PCDHGA9: variants seen among roughly 807,000 people sequenced by gnomAD.
The protein encoded by PCDHGA9 is protocadherin gamma-A9.
PCDHGA9 carries 37 observed loss-of-function variants against 62.5 expected under a neutral mutation model. The ratio of observed to expected loss-of-function variants is 0.59; its 90% CI spans 0.46 to 0.78. The LOEUF (loss-of-function observed/expected upper bound fraction) is 0.78. PCDHGA9 is among the 30% of genes least tolerant of loss of function. PCDHGA9 has a pLI of 0.00. For missense variants in PCDHGA9, 1,138 were observed against 1,166.2 expected, an observed-to-expected ratio of 0.98 and a Z score of 0.35; for synonymous variants, 459 against 484.6, an observed-to-expected ratio of 0.95 and a Z score of 0.69.
intron 1 of PCDHGA9, among the ~76,000 whole-genome samples, chr5:141,455,286 T>G (rs889792228): frequency 6.6e-6 from 1 of 152,176 alleles, no homozygotes; most frequent in African/African-American, 2.4e-5. Flanking sequence ...AACATCACTT[T>G]ACATAGTTTC....
At position 141,489,436 on chromosome 5, in the gene PCDHGA9, T is replaced by C. The variant is rs1002519; in HGVS notation, c.2425-5371T>C. 0.23 allele frequency: 369,130 copies of C among 1,613,832 alleles called. 44,340 individuals are homozygous for C. The highest frequency in any genetic ancestry group is 0.38 in the Admixed American group (23,024 of 60,000). On this transcript the variant is annotated intron_variant, in intron 1 of 3. Transcript: ENST00000573521. The surrounding 1 kb of genome is among the most constrained non-coding windows in gnomAD (Gnocchi z 4.5). ...AGATCTGTTGAGCCGGCGGCTGCAATTGGGCTCTGAGGAGAATGGGCGCTA... is the reference window on the plus strand; with the variant it reads ...AGATCTGTTGAGCCGGCGGCTGCAACTGGGCTCTGAGGAGAATGGGCGCTA...
Position 141,403,246 on chromosome 5 carries a change from G to C in PCDHGA9, c.294G>C (p.Gln98His). 6.2e-7 allele frequency: 1 copy of C among 1,613,930 alleles called. No individual in the cohort carries two copies. The highest frequency in any genetic ancestry group is 1.1e-5 in the South Asian group (1 of 91,092). Residue 98 changes from glutamine to histidine, a missense_variant, in exon 1 of 4, where the codon CAG (glutamine) becomes CAC (histidine). Gln to His is a conservative substitution (Grantham distance 24). Coordinates refer to ENST00000573521, the MANE Select transcript of PCDHGA9 (RefSeq NM_018921.3). ...TAGACCGGGAGGAGCTCTGTGCTCA[G>C]AGCCCGCGGTGTCTGGTGAACTTTA... ...GRIDREELCA[Q>H]SPRCLVNFKV...
chr5:141,497,502 T>C (rs1216218103), intron 2 of PCDHGA9, among the ~76,000 whole-genome samples: 1 of 151,628 alleles, frequency 6.6e-6, no homozygotes, highest in East Asian at 1.9e-4. Flanking sequence ...CTCTCCTCTC[T>C]CTGCTTCCTT....
At position 141,490,807 on chromosome 5, in the gene PCDHGA9, G is replaced by T. The variant is rs1315856354; in HGVS notation, c.2425-4000G>T. Reference sequence around the variant, plus strand: ...ACGGATCTTTGCCCAGCGTACCTTTGACTATGAATTGCTGCAGATGCTGCA... The same window carrying T: ...ACGGATCTTTGCCCAGCGTACCTTTTACTATGAATTGCTGCAGATGCTGCA... On this transcript the variant is annotated intron_variant, in intron 1 of 3. Transcript: ENST00000573521. This position sits in a 1 kb window ranked among gnomAD's most constrained non-coding sequence, Gnocchi z 5.4. 6.2e-7 allele frequency: 1 copy of T among 1,613,924 alleles called. No individual in the cohort carries two copies. The highest frequency in any genetic ancestry group is 8.5e-7 in the Non-Finnish European group (1 of 1,179,870).
chr5:141,435,290 A>G (rs2097756551), intron 1 of PCDHGA9, among the ~76,000 whole-genome samples: 1 of 152,158 alleles, frequency 6.6e-6, no homozygotes, highest in African/African-American at 2.4e-5. Context: ...ATCCCAAGTC[A>G]TTTCATGGTT....
In PCDHGA9 at chr5:141,486,667, G is replaced by A; in HGVS notation, c.2425-8140G>A. On this transcript the variant is annotated intron_variant, in intron 1 of 3. Coordinates refer to ENST00000573521, the MANE Select transcript of PCDHGA9 (RefSeq NM_018921.3). The surrounding 1 kb of genome is among the most constrained non-coding windows in gnomAD (Gnocchi z 5.0). ...TCTCCTACTCACTCCTGGAGCCCAG[G>A]AATCGAGATGTATCAGCTTCCTCTT... 4 of 1,613,948 alleles carry A rather than the reference G, an allele frequency of 2.5e-6. No individual in the cohort carries two copies. Among genetic ancestry groups the A allele is most frequent in the Non-Finnish European group, 3.4e-6 (4 of 1,180,014 alleles).
At chr5:141,412,935 G>T in intron 1 of PCDHGA9, 1 of 453,864 alleles carries the variant, frequency 2.2e-6, no homozygotes, top group East Asian at 3.4e-5. Flanking sequence ...AACTTCTTAG[G>T]ACTCTGAGCG....
intron 1 of PCDHGA9, among the ~76,000 whole-genome samples, chr5:141,469,061 G>C (rs960166489): frequency 1.3e-5 from 2 of 152,010 alleles, no homozygotes; most frequent in African/African-American, 4.8e-5. Flanking sequence ...AGGATTGCTT[G>C]AGCCTAGGAG....
At chr5:141,417,532 T>TA (rs1457524771) in intron 1 of PCDHGA9, 17 of 284,868 alleles carry the variant, frequency 6.0e-5, no homozygotes, top group Non-Finnish European at 8.4e-5. Context: ...ACTCGTAGTT[T>TA]AAAAAAAATT....
chr5:141,424,116 T>G, intron 1 of PCDHGA9: 1 of 667,648 alleles, frequency 1.5e-6, no homozygotes, highest in Non-Finnish European at 1.9e-6. Context: ...GTTCAAATTT[T>G]GATCCTGTTG....
At chr5:141,447,390 G>A (rs1048677634) in intron 1 of PCDHGA9, among the ~76,000 whole-genome samples, 4 of 151,976 alleles carry the variant, frequency 2.6e-5, no homozygotes, top group Admixed American at 6.6e-5. Flanking sequence ...TGCCCACCTC[G>A]GCCTCCCAAA....
At chr5:141,450,676 G>A (rs1174388119) in intron 1 of PCDHGA9, among the ~76,000 whole-genome samples, 5 of 151,796 alleles carry the variant, frequency 3.3e-5, no homozygotes, top group African/African-American at 7.3e-5. Flanking sequence ...TAGTAGAAAC[G>A]GGGTTTTGCC....
intron 1 of PCDHGA9, chr5:141,415,543 G>A (rs1561758242): frequency 6.2e-7 from 1 of 1,614,130 alleles, no homozygotes; most frequent in East Asian, 2.2e-5. Context: ...GGAGAGCTGT[G>A]AGAAAAACGA....
In PCDHGA9 at chr5:141,407,982, G is replaced by C. The variant is rs976187867; in HGVS notation, c.2424+2606G>C. On this transcript the variant is annotated intron_variant, in intron 1 of 3. Coordinates refer to ENST00000573521, the MANE Select transcript of PCDHGA9 (RefSeq NM_018921.3). Reference sequence around the variant, plus strand: ...GAGCAAGCGCTGACGCCGGGGATCCGTCAGCCTCTGGCCTGGGATTCCCTG... The same window carrying C: ...GAGCAAGCGCTGACGCCGGGGATCCCTCAGCCTCTGGCCTGGGATTCCCTG... 1.5e-4 allele frequency: 114 copies of C among 783,006 alleles called. 1 individual carries two copies. Among genetic ancestry groups the C allele is most frequent in the African/African-American group, 9.1e-4 (52 of 57,436 alleles). The allele number at this position is 783,006 out of a possible 1,614,324, so 48.5% of individuals were successfully genotyped here.
chr5:141,463,438 CTTTTTTTTTTTTTTT>C (rs71576115), intron 1 of PCDHGA9, among the ~76,000 whole-genome samples: 7 of 103,256 alleles, frequency 6.8e-5, no homozygotes, highest in African/African-American at 3.1e-4. Flanking sequence ...TTTCCTTCTC[CTTTTTTTTTTTTTTT>C]TTTTTTTTTT....
chr5:141,439,211 A>G (rs1438403213), intron 1 of PCDHGA9, among the ~76,000 whole-genome samples: 1 of 151,666 alleles, frequency 6.6e-6, no homozygotes, highest in Non-Finnish European at 1.5e-5. Flanking sequence ...AAAAATCCAT[A>G]TGTGAAAATT....
chr5:141,505,267 A>G (rs2099845018), intron 2 of PCDHGA9, 126 bp from the exon 3 acceptor site: 1 of 1,514,640 alleles, frequency 6.6e-7, no homozygotes, highest in Admixed American at 2.0e-5. Flanking sequence ...TACCTTGCTG[A>G]GAGAAACAGG....
At chr5:141,463,518 G>C (rs537466389) in intron 1 of PCDHGA9, among the ~76,000 whole-genome samples, 1 of 139,068 alleles carries the variant, frequency 7.2e-6, no homozygotes, top group African/African-American at 2.8e-5. Context: ...GCGTGATCTC[G>C]GCTTACTAGA....
At position 141,486,616 on chromosome 5, in the gene PCDHGA9, C is replaced by T. The variant is rs759167270; in HGVS notation, c.2425-8191C>T. On this transcript the variant is annotated intron_variant, in intron 1 of 3. Coordinates refer to ENST00000573521, the MANE Select transcript of PCDHGA9 (RefSeq NM_018921.3). The surrounding 1 kb of genome is among the most constrained non-coding windows in gnomAD (Gnocchi z 5.0). ...TGCTTTGCTCCCTTGCAGCCTCTGA[C>T]CCAGACTCTGGCTTGAATGCGCTTA... is the stretch of plus-strand genomic sequence containing the variant. 2 of 1,613,500 alleles carry T rather than the reference C, an allele frequency of 1.2e-6. No individual in the cohort carries two copies. The highest frequency in any genetic ancestry group is 3.3e-5 in the Admixed American group (2 of 60,004).
Sources: gnomAD v4.1 joint callset for allele counts (sites outside exome capture counted in the v4.1 genomes callset) on GRCh38, gnomAD v4.1.1 for gene constraint, Gnocchi (gnomAD v3.1) non-coding constraint, MANE v1.5 for transcripts, NCBI Gene and HGNC (gene_info 2026-07-23, HGNC 2026-07-21) for gene names.